CADM2: variants seen among roughly 807,000 people sequenced by gnomAD.
CADM2 encodes the protein cell adhesion molecule 2.
CADM2 carries 12 observed loss-of-function variants against 49.8 expected under a neutral mutation model. The ratio of observed to expected loss-of-function variants is 0.24; its 90% CI spans 0.15 to 0.39. The LOEUF is 0.39. Ranked by LOEUF, CADM2 falls within the 10% of genes least tolerant of loss-of-function variation. The probability of loss-of-function intolerance (pLI) is 1.00; values close to 1 mark genes in which losing one functional copy is unlikely to be tolerated. For synonymous variants in CADM2, 214 were observed against 175.4 expected, an observed-to-expected ratio of 1.22 and a Z score of -1.74; for missense variants, 378 against 492.3, an observed-to-expected ratio of 0.77 and a Z score of 2.20.
chr3:85,196,965 G>A (rs181012298), intron 1 of CADM2, among the ~76,000 whole-genome samples: 58 of 151,948 alleles, frequency 3.8e-4, no homozygotes, highest in African/African-American at 7.2e-5. Flanking sequence ...AGTATATATG[G>A]TAAAGCATTA....
Position 85,025,421 on chromosome 3 carries a change from T to A in CADM2, c.61+65753T>A, listed in dbSNP as rs145908580. Among the ~76,000 whole-genome samples, 3 of 152,326 alleles carry A rather than the reference T, an allele frequency of 2.0e-5. No homozygotes were observed. The East Asian group carries it at 5.8e-4, about 29-fold the overall frequency. On this transcript the variant is annotated intron_variant, in intron 1 of 9. Transcript: ENST00000383699. ...AATTCAAAGATGTCATACACTGTAC[T>A]CACTAGCATCATTTGTTCTTTCTTC...
rs183613375 is a variant in CADM2, at chr3:85,851,642, T to G, written c.239-31649T>G. 2.0e-5 allele frequency among the ~76,000 whole-genome samples: 3 copies of G among 149,436 alleles called. No homozygotes were observed. In the Admixed American group the frequency reaches 2.0e-4, roughly 10 times the overall value. ...TCTACTATCAAACACTTTGTCATAC[T>G]AGATACTATAGTGTGTATGTTGGTG... is the stretch of plus-strand genomic sequence containing the variant. On this transcript the variant is annotated intron_variant, in intron 3 of 9. Transcript: ENST00000383699.
chr3:85,892,303 G>A (rs1714554770), intron 5 of CADM2, among the ~76,000 whole-genome samples: 1 of 152,306 alleles, frequency 6.6e-6, no homozygotes, highest in Admixed American at 6.5e-5. Flanking sequence ...AAATGACTTG[G>A]ATAATGAATG....
chr3:85,495,672 C>T (rs138581959), intron 1 of CADM2, among the ~76,000 whole-genome samples: 2 of 152,088 alleles, frequency 1.3e-5, no homozygotes, highest in African/African-American at 4.8e-5. Context: ...AGCTGGCATC[C>T]GGTCCTGCTG....
intron 1 of CADM2, among the ~76,000 whole-genome samples, chr3:85,466,815 G>T (rs541844525): frequency 1.3e-5 from 2 of 151,828 alleles, no homozygotes; most frequent in East Asian, 3.9e-4. Context: ...TCAGCTGATA[G>T]AAAATATTTT....
chr3:85,843,507 TTTTA>T (rs1246833579), intron 3 of CADM2, among the ~76,000 whole-genome samples: 1 of 152,152 alleles, frequency 6.6e-6, no homozygotes, highest in African/African-American at 2.4e-5. Flanking sequence ...GTCTTATATT[TTTTA>T]TTTAAAGTAA....
intron 3 of CADM2, among the ~76,000 whole-genome samples, chr3:85,841,686 CA>C (rs1478761109): frequency 2.0e-5 from 3 of 151,836 alleles, no homozygotes; most frequent in African/African-American, 4.8e-5. Context: ...AATTAAGGTT[CA>C]AAAAACATAT....
intron 8 of CADM2, among the ~76,000 whole-genome samples, chr3:85,977,122 C>G (rs1285057945): frequency 6.6e-6 from 1 of 150,786 alleles, no homozygotes; most frequent in Non-Finnish European, 1.5e-5. Context: ...CCAAATACTA[C>G]TATAATAATA....
intron 1 of CADM2, among the ~76,000 whole-genome samples, chr3:85,276,376 T>C (rs1046018150): frequency 1.3e-5 from 2 of 151,396 alleles, no homozygotes; most frequent in African/African-American, 4.8e-5. Context: ...CTTTTAAAAA[T>C]CCTTTGGATC....
rs940004518 is a variant in CADM2, at chr3:85,491,932, A to G, written c.62-234590A>G. Among the ~76,000 whole-genome samples the G allele has an allele frequency of 2.1e-5, 3 of 144,096 alleles. No homozygotes were observed. The East Asian group carries it at 6.7e-4, about 32-fold the overall frequency. The allele number at this position is 144,096 out of a possible 152,430, so 94.5% of individuals were successfully genotyped here. A position where few individuals can be genotyped will look rare whatever the true frequency, so the allele number is the denominator to read the frequency against. On this transcript the variant is annotated intron_variant, in intron 1 of 9. Transcript: ENST00000383699. ...GCGCCACTGCACTCCAGCCTGGGCGAGAGTGAGACTGTCTCAAAAAAAAAA... is the reference window on the plus strand; with the variant it reads ...GCGCCACTGCACTCCAGCCTGGGCGGGAGTGAGACTGTCTCAAAAAAAAAA...
At chr3:85,667,264 T>C (rs951215106) in intron 1 of CADM2, among the ~76,000 whole-genome samples, 1 of 152,066 alleles carries the variant, frequency 6.6e-6, no homozygotes, top group African/African-American at 2.4e-5. Flanking sequence ...TTGTAAAAAT[T>C]ATTTTTAAAA....
At chr3:85,726,279 G>A (rs574174172) in intron 1 of CADM2, among the ~76,000 whole-genome samples, 1 of 152,106 alleles carries the variant, frequency 6.6e-6, no homozygotes, top group South Asian at 2.1e-4. Context: ...ATGGTGACTT[G>A]TAGTGTTTGG....
intron 2 of CADM2, among the ~76,000 whole-genome samples, chr3:85,749,369 T>C (rs1053823471): frequency 6.6e-6 from 1 of 152,044 alleles, no homozygotes; most frequent in African/African-American, 2.4e-5. Flanking sequence ...AGTTTCATTT[T>C]TATAAAAATA....
intron 1 of CADM2, among the ~76,000 whole-genome samples, chr3:85,142,163 A>T (rs2039596139): frequency 6.6e-6 from 1 of 152,212 alleles, no homozygotes; most frequent in Admixed American, 6.5e-5. Flanking sequence ...CTTCTGCAAC[A>T]ACATAAAACA....
chr3:85,889,622 A>C, intron 5 of CADM2, among the ~76,000 whole-genome samples: 1 of 152,212 alleles, frequency 6.6e-6, no homozygotes, highest in East Asian at 1.9e-4. Flanking sequence ...GTTGCCTCAA[A>C]GTGCTTTTGC....
chr3:85,940,394 G>A (rs905805242), intron 7 of CADM2, among the ~76,000 whole-genome samples: 5 of 151,834 alleles, frequency 3.3e-5, no homozygotes, highest in Admixed American at 6.6e-5. Flanking sequence ...AGCCTAACAT[G>A]TACCTTTTTA....
intron 3 of CADM2, among the ~76,000 whole-genome samples, chr3:85,880,209 T>C (rs1295711434): frequency 2.0e-5 from 3 of 152,212 alleles, no homozygotes; most frequent in African/African-American, 7.2e-5. Context: ...TAGCAACATT[T>C]TACTATTTCA....
intron 1 of CADM2, among the ~76,000 whole-genome samples, chr3:85,107,430 T>G (rs1050578923): frequency 5.3e-5 from 8 of 152,190 alleles, no homozygotes; most frequent in East Asian, 1.9e-4. Context: ...TTAGGATGGC[T>G]ATTGTAAAAC....
intron 7 of CADM2, among the ~76,000 whole-genome samples, chr3:85,949,371 G>A (rs1392665662): frequency 6.6e-6 from 1 of 151,308 alleles, no homozygotes. Context: ...TAAAGGGTTT[G>A]AAAATTGTTA....
Sources: allele counts gnomAD v4.1 joint callset (sites outside exome capture counted in the v4.1 genomes callset), GRCh38; gene constraint gnomAD v4.1.1; transcripts MANE v1.5; gene names NCBI Gene and HGNC (gene_info 2026-07-23, HGNC 2026-07-21).